The following ANGPT4 variants were observed in gnomAD, a reference collection of about 807,000 sequenced individuals.
ANGPT4 encodes angiopoietin 4.
A neutral mutation model predicts 53.0 loss-of-function variants in ANGPT4; 50 were observed. The observed-to-expected ratio is 0.94, with a 90% CI of 0.75 to 1.20. The LOEUF (loss-of-function observed/expected upper bound fraction) is 1.20, where lower values mean the gene tolerates loss of function less well. ANGPT4 is among the 50% of genes most tolerant of loss of function. The pLI is 0.00. For synonymous variants in ANGPT4, 251 were observed against 259.7 expected (o/e 0.97, Z 0.32); for missense variants, 648 against 637.1 (o/e 1.02, Z -0.18).
chr20:885,371 A>G, intron 3 of ANGPT4, 46 bp from the exon 4 acceptor site: 1 of 1,487,756 alleles, frequency 6.7e-7, no homozygotes, highest in Non-Finnish European at 8.9e-7. Flanking sequence ...ATCCTCGCGA[A>G]GCACGCACCC....
At chr20:897,443 G>A (rs1481105591) in intron 1 of ANGPT4, among the ~76,000 whole-genome samples, 1 of 152,032 alleles carries the variant, frequency 6.6e-6, no homozygotes, top group Admixed American at 6.5e-5. Flanking sequence ...TTCCAATTCG[G>A]GTTCCTTTTT....
intron 8 of ANGPT4, 52 bp downstream of exon 8, chr20:874,232 C>T: frequency 6.2e-7 from 1 of 1,604,774 alleles, no homozygotes; most frequent in Non-Finnish European, 8.5e-7. Context: ...ATGGGAGTGT[C>T]AATCTGGGTG....
chr20:873,296 C>T (rs891101035), intron 8 of ANGPT4, among the ~76,000 whole-genome samples, 176 bp from the exon 9 acceptor site: 3 of 152,060 alleles, frequency 2.0e-5, no homozygotes, highest in Non-Finnish European at 4.4e-5. Flanking sequence ...ACAACAGACC[C>T]TCTGCTCAGC....
chr20:877,845 G>C (rs1412097514), intron 7 of ANGPT4, among the ~76,000 whole-genome samples: 1 of 152,234 alleles, frequency 6.6e-6, no homozygotes, highest in East Asian at 1.9e-4. Context: ...GGCTGGGCAA[G>C]TCACCTCCTT....
intron 1 of ANGPT4, among the ~76,000 whole-genome samples, chr20:894,230 C>A (rs1418329659): frequency 6.6e-6 from 1 of 152,102 alleles, no homozygotes; most frequent in Non-Finnish European, 1.5e-5. Context: ...GTTGCAAGCC[C>A]CGTGTTTAAA....
intron 1 of ANGPT4, among the ~76,000 whole-genome samples, chr20:903,058 C>T (rs934034843): frequency 2.0e-5 from 3 of 152,084 alleles, no homozygotes; most frequent in Admixed American, 6.5e-5. Context: ...AGGGTCAAGG[C>T]GGGGGCTGGG....
chr20:885,866 A>G (rs1981600825), intron 3 of ANGPT4, among the ~76,000 whole-genome samples: 1 of 152,220 alleles, frequency 6.6e-6, no homozygotes, highest in South Asian at 2.1e-4. Context: ...GTGTGGCAAG[A>G]GAAGAAAGAA....
rs534987560 is a variant in ANGPT4, at chr20:897,901, T to A, written c.310-7533A>T. On this transcript the variant is annotated intron_variant, in intron 1 of 8. Transcript: ENST00000381922. ...CTTCTGCAATACTGCTAGGCCCCAG[T>A]ACAAACTCGACAATTGTTCTAAATG... 1.1e-3 allele frequency among the ~76,000 whole-genome samples: 172 copies of A among 152,304 alleles called. 2 individuals carry two copies. Among genetic ancestry groups the A allele is most frequent in the African/African-American group, 4.0e-3 (166 of 41,560 alleles).
chr20:902,766 G>C (rs140531947), intron 1 of ANGPT4, among the ~76,000 whole-genome samples: 43 of 152,268 alleles, frequency 2.8e-4, no homozygotes, highest in African/African-American at 1.0e-3. Context: ...CAAGGTACAG[G>C]AAAGGTTAAG....
chr20:913,280 G>A (rs1982776352), intron 1 of ANGPT4, among the ~76,000 whole-genome samples: 1 of 152,188 alleles, frequency 6.6e-6, no homozygotes, highest in Non-Finnish European at 1.5e-5. Context: ...AAGAACCAGA[G>A]GAAGGTCACA....
chr20:874,246 C>T, intron 8 of ANGPT4, 38 bp downstream of exon 8: 1 of 1,611,284 alleles, frequency 6.2e-7, no homozygotes, highest in Non-Finnish European at 8.5e-7. Flanking sequence ...CTGGGTGAGC[C>T]TGTGGGTGGG....
intron 1 of ANGPT4, among the ~76,000 whole-genome samples, chr20:901,135 G>A (rs575263562): frequency 5.9e-5 from 9 of 152,036 alleles, no homozygotes; most frequent in East Asian, 3.9e-4. Context: ...AAAAATTTTC[G>A]CCACCCCAAC....
At chr20:893,889 G>A (rs970956239) in intron 1 of ANGPT4, among the ~76,000 whole-genome samples, 23 of 152,014 alleles carry the variant, frequency 1.5e-4, no homozygotes, top group Admixed American at 8.5e-4. Context: ...CTGTTTACTC[G>A]CCTTATTCTG....
At position 871,538 on chromosome 20, in the gene ANGPT4, C is replaced by T. The variant is rs1285676802; in HGVS notation, c.*1422G>A. 1 of 152,494 alleles carries T rather than the reference C, an allele frequency of 6.6e-6. No homozygotes were observed. The highest frequency in any genetic ancestry group is 2.4e-5 in the African/African-American group (1 of 41,466). 9.4% of individuals were successfully genotyped at this position (152,494 alleles called of 1,614,324 possible). A position where few individuals can be genotyped will look rare whatever the true frequency, so the allele number is the denominator to read the frequency against. On this transcript the variant is annotated 3_prime_UTR_variant, in exon 9 of 9. Coordinates refer to ENST00000381922, the MANE Select transcript of ANGPT4 (RefSeq NM_015985.4). ...TCCTCTGAAAGAAGCTATGAGGGCC[C>T]TGGTCTCCCAAACTCAGGCAGAGGC...
At chr20:875,390 G>A (rs566255943) in intron 7 of ANGPT4, among the ~76,000 whole-genome samples, 7 of 152,280 alleles carry the variant, frequency 4.6e-5, no homozygotes, top group Admixed American at 2.0e-4. Context: ...CTGCAGCTTC[G>A]ACATCTGCTG....
chr20:883,225 A>G (rs553211233), intron 4 of ANGPT4, among the ~76,000 whole-genome samples: 151 of 152,374 alleles, frequency 9.9e-4, no homozygotes, highest in Middle Eastern at 3.4e-3. Flanking sequence ...CTGCAAAGCC[A>G]GTGCCCTTCC....
At chr20:902,714 AT>A (rs997706617) in intron 1 of ANGPT4, among the ~76,000 whole-genome samples, 8 of 151,832 alleles carry the variant, frequency 5.3e-5, no homozygotes, top group South Asian at 2.1e-4. Context: ...TCAAAAAAAA[AT>A]TTTTTTTTCT....
Position 874,267 on chromosome 20 carries a change from C to A in ANGPT4, c.1351+17G>T. ...GAGCCTGTGGGTGGGCGGAGCTTCA[C>A]CCCACCCTGCACCTACCTCCAGACA... On this transcript the variant is annotated intron_variant, in intron 8 of 8. Coordinates refer to ENST00000381922, the MANE Select transcript of ANGPT4 (RefSeq NM_015985.4). The A allele has an allele frequency of 6.2e-7, 1 of 1,613,460 alleles. No homozygotes were observed. Among genetic ancestry groups the A allele is most frequent in the East Asian group, 2.2e-5 (1 of 44,854 alleles).
At chr20:886,645 A>G (rs531247863) in intron 3 of ANGPT4, among the ~76,000 whole-genome samples, 1 of 152,354 alleles carries the variant, frequency 6.6e-6, no homozygotes, top group Non-Finnish European at 1.5e-5. Flanking sequence ...GAACACTTAC[A>G]TTAGCCTGTG....
Sources: allele counts gnomAD v4.1 joint callset (sites outside exome capture counted in the v4.1 genomes callset), GRCh38; gene constraint gnomAD v4.1.1; transcripts MANE v1.5; gene names NCBI Gene and HGNC (gene_info 2026-07-23, HGNC 2026-07-21).